ACSS1: variants seen among roughly 807,000 people sequenced by gnomAD.
ACSS1 encodes the protein acetyl-coenzyme A synthetase 2-like, mitochondrial.
ACSS1 carries 42 observed loss-of-function variants against 75.3 expected under a neutral mutation model. That is an observed-to-expected ratio of 0.56 (90% CI 0.44 to 0.72). ACSS1 has a LOEUF of 0.72. Among genes scored for constraint, ACSS1 ranks in the 30% least tolerant of loss-of-function variants. The pLI, the probability that ACSS1 is intolerant of heterozygous loss-of-function variation, is 0.00. For missense variants in ACSS1, 782 were observed against 935.7 expected, an observed-to-expected ratio of 0.84 and a Z score of 2.14; for synonymous variants, 380 against 376.8, an observed-to-expected ratio of 1.01 and a Z score of -0.10.
At position 25,030,951 on chromosome 20, in the gene ACSS1, G is replaced by A. The variant is rs138418172; in HGVS notation, c.439C>T (p.Leu147=). Residue 147 remains leucine (L), a synonymous_variant, in exon 3 of 14, where the codon CTG becomes TTG. Transcript: ENST00000323482. ...TTGGCCAGGCGGCACGTGGTCTCCAGTAGTTCCCTGCAGCACAGGGAAGAG... is the reference window on the plus strand; with the variant it reads ...TTGGCCAGGCGGCACGTGGTCTCCAATAGTTCCCTGCAGCACAGGGAAGAG... ...TEVRITYREL[L]ETTCRLANTL... 51 of 1,614,072 alleles carry A rather than the reference G, an allele frequency of 3.2e-5. No individual in the cohort carries two copies. The African/African-American group carries it at 4.4e-4, about 14-fold the overall frequency.
intron 1 of ACSS1, among the ~76,000 whole-genome samples, chr20:25,056,654 C>T (rs2089246052): frequency 6.6e-6 from 1 of 152,158 alleles, no homozygotes; most frequent in Non-Finnish European, 1.5e-5. Context: ...AATGAGGAGA[C>T]TGAGGGCTGG....
At chr20:25,034,427 C>T (rs1302888216) in intron 2 of ACSS1, among the ~76,000 whole-genome samples, 1 of 152,138 alleles carries the variant, frequency 6.6e-6, no homozygotes. Context: ...AGCTTTTCCT[C>T]CCCAGGTTCT....
chr20:25,046,757 A>G lies in ACSS1; in HGVS notation c.431+1328T>C, dbSNP rs1438280274. ...GCAGCTTGGGTCTTCAGAGCCAAGCACACTCCAGTGTGCAGGGGCCACCTG... is the reference window on the plus strand; with the variant it reads ...GCAGCTTGGGTCTTCAGAGCCAAGCGCACTCCAGTGTGCAGGGGCCACCTG... On this transcript the variant is annotated intron_variant, in intron 2 of 13. Coordinates refer to ENST00000323482, the MANE Select transcript of ACSS1 (RefSeq NM_032501.4). 1.0e-5 allele frequency: 8 copies of G among 778,600 alleles called. No homozygotes were observed. In the East Asian group the frequency reaches 1.9e-4, roughly 19 times the overall value. 48.2% of individuals were successfully genotyped at this position (778,600 alleles called of 1,614,324 possible).
intron 1 of ACSS1, among the ~76,000 whole-genome samples, chr20:25,054,484 G>T (rs1401318020): frequency 6.6e-6 from 1 of 152,254 alleles, no homozygotes; most frequent in South Asian, 2.1e-4. Context: ...TACTCCCATG[G>T]ATAACAAAAC....
At chr20:25,055,748 T>C (rs1207865151) in intron 1 of ACSS1, among the ~76,000 whole-genome samples, 1 of 152,164 alleles carries the variant, frequency 6.6e-6, no homozygotes, top group African/African-American at 2.4e-5. Flanking sequence ...AGGTGAAGCT[T>C]TCTTCAAGAG....
At chr20:25,033,205 T>A (rs2088856435) in intron 2 of ACSS1, among the ~76,000 whole-genome samples, 1 of 151,346 alleles carries the variant, frequency 6.6e-6, no homozygotes, top group Non-Finnish European at 1.5e-5. Context: ...AGCTTAAGCC[T>A]CGCTGCTACC....
At chr20:25,050,555 G>A (rs556364962) in intron 1 of ACSS1, among the ~76,000 whole-genome samples, 3 of 152,018 alleles carry the variant, frequency 2.0e-5, no homozygotes, top group East Asian at 1.9e-4. Context: ...GGAGCCCCCC[G>A]GAAGAGTGGC....
In ACSS1 at chr20:25,048,310, C is replaced by A; in HGVS notation, c.335-129G>T. On this transcript the variant is annotated intron_variant, in intron 1 of 13. Coordinates refer to ENST00000323482, the MANE Select transcript of ACSS1 (RefSeq NM_032501.4). ...TTCTTCCACTGACAGAGACCCTGTC[C>A]TCATCAGTGATGATGTTTCTACCCC... 5.8e-6 allele frequency: 4 copies of A among 685,212 alleles called. No homozygotes were observed. In the East Asian group the frequency reaches 8.3e-5, roughly 14 times the overall value. The allele number at this position is 685,212 out of a possible 1,614,324, so 42.4% of individuals were successfully genotyped here.
chr20:25,012,539 G>T, intron 12 of ACSS1, 62 bp downstream of exon 12: 2 of 1,584,380 alleles, frequency 1.3e-6, no homozygotes, highest in Non-Finnish European at 1.7e-6. Flanking sequence ...TCCTCGTACA[G>T]AGGTGCCCAT....
At chr20:25,057,493 C>G (rs2089259143) in intron 1 of ACSS1, among the ~76,000 whole-genome samples, 1 of 152,214 alleles carries the variant, frequency 6.6e-6, no homozygotes, top group Non-Finnish European at 1.5e-5. Flanking sequence ...AGGAGCCGCG[C>G]CGAGCAAGGC....
intron 6 of ACSS1, among the ~76,000 whole-genome samples, chr20:25,020,587 C>T (rs1351439836): frequency 6.6e-6 from 1 of 152,258 alleles, no homozygotes; most frequent in African/African-American, 2.4e-5. Context: ...CCGGCATGCA[C>T]ACCCCTGGTT....
chr20:25,020,898 G>A (rs1046950115), intron 6 of ACSS1, among the ~76,000 whole-genome samples: 3 of 152,244 alleles, frequency 2.0e-5, no homozygotes, highest in Admixed American at 6.5e-5. Flanking sequence ...GTGGGAGGAC[G>A]ATGCCCAAGG....
In ACSS1 at chr20:25,056,818, A is replaced by T. The variant is rs1600357480; in HGVS notation, c.334+951T>A. Reference sequence around the variant, plus strand: ...TCTGGTCTGCATCCCTCTGATCAACACCGTGTCTGCCAGCCCCTCCCCGCA... The same window carrying T: ...TCTGGTCTGCATCCCTCTGATCAACTCCGTGTCTGCCAGCCCCTCCCCGCA... On this transcript the variant is annotated intron_variant, in intron 1 of 13. Transcript: ENST00000323482. 3.3e-5 allele frequency among the ~76,000 whole-genome samples: 5 copies of T among 152,192 alleles called. No individual in the cohort carries two copies. The East Asian group carries it at 5.8e-4, about 18-fold the overall frequency.
At chr20:25,018,927 C>T (rs1398994946) in intron 7 of ACSS1, among the ~76,000 whole-genome samples, 3 of 152,230 alleles carry the variant, frequency 2.0e-5, no homozygotes. Context: ...ATCCTCGCCA[C>T]CCTGTAGGTA....
chr20:25,012,302 G>C (rs1600305779), intron 12 of ACSS1: 1 of 475,260 alleles, frequency 2.1e-6, no homozygotes, highest in East Asian at 3.8e-5. Context: ...GTCCCCACCA[G>C]ATACACCATG....
At chr20:25,028,692 C>T (rs368945725) in intron 3 of ACSS1, among the ~76,000 whole-genome samples, 14 of 152,282 alleles carry the variant, frequency 9.2e-5, no homozygotes, top group South Asian at 4.2e-4. Flanking sequence ...GAGGCCGAGG[C>T]GGGCGGATCA....
chr20:25,028,583 G>C lies in ACSS1; in HGVS notation c.631+2176C>G, dbSNP rs116669368. 4.7e-3 allele frequency among the ~76,000 whole-genome samples: 718 copies of C among 152,260 alleles called. 7 individuals are homozygous for C. Among genetic ancestry groups the C allele is most frequent in the African/African-American group, 0.017 (694 of 41,532 alleles). On this transcript the variant is annotated intron_variant, in intron 3 of 13. Coordinates refer to ENST00000323482, the MANE Select transcript of ACSS1 (RefSeq NM_032501.4). ...AGCCATAGGACAAAGAATGAAACTG[G>C]ACCCTTACCTCACACCCTGTACAAA...
chr20:25,017,539 G>A (rs1338961889), intron 7 of ACSS1, among the ~76,000 whole-genome samples: 1 of 152,206 alleles, frequency 6.6e-6, no homozygotes, highest in African/African-American at 2.4e-5. Context: ...TGTGTGATTA[G>A]CACCTGGCCT....
In ACSS1 at chr20:25,009,689, C is replaced by T. The variant is rs1568826751; in HGVS notation, c.1772-301G>A. The T allele has an allele frequency of 7.5e-6, 3 of 399,320 alleles. No homozygotes were observed. The East Asian group carries it at 1.6e-4, about 22-fold the overall frequency. The allele number at this position is 399,320 out of a possible 1,614,324, so 24.7% of individuals were successfully genotyped here. A position where few individuals can be genotyped will look rare whatever the true frequency, so the allele number is the denominator to read the frequency against. On this transcript the variant is annotated intron_variant, in intron 12 of 13. Coordinates refer to ENST00000323482, the MANE Select transcript of ACSS1 (RefSeq NM_032501.4). ...TGTGACCTGGGACATGGGACCTCCC[C>T]TCTCTGTGTACACATCTGTGAAATA...
Sources: allele counts gnomAD v4.1 joint callset (sites outside exome capture counted in the v4.1 genomes callset), GRCh38; gene constraint gnomAD v4.1.1; transcripts MANE v1.5; gene names NCBI Gene and HGNC (gene_info 2026-07-23, HGNC 2026-07-21).